PIP4K2A: variants seen among roughly 807,000 people sequenced by gnomAD.
PIP4K2A encodes the protein phosphatidylinositol 5-phosphate 4-kinase type-2 alpha.
Under a neutral mutation model 42.9 loss-of-function variants are expected in PIP4K2A, and 14 were observed. That is an observed-to-expected ratio of 0.33 (90% CI 0.22 to 0.51). PIP4K2A has a LOEUF of 0.51. Ranked by LOEUF, PIP4K2A falls within the 20% of genes least tolerant of loss-of-function variation. PIP4K2A has a pLI of 0.97. For missense variants in PIP4K2A, 434 were observed against 519.8 expected, an observed-to-expected ratio of 0.83 and a Z score of 1.61; for synonymous variants, 192 against 192.2, an observed-to-expected ratio of 1.00 and a Z score of 0.01.
intron 5 of PIP4K2A, chr10:22,569,178 G>C (rs779576959): frequency 1.5e-4 from 111 of 731,016 alleles, no homozygotes; most frequent in Non-Finnish European, 2.4e-4. Flanking sequence ...TCACATTGGG[G>C]AAGGGAGCCA....
chr10:22,714,085 G>C (rs377513630), intron 1 of PIP4K2A, 98 bp downstream of exon 1: 10 of 1,296,616 alleles, frequency 7.7e-6, no homozygotes, highest in Middle Eastern at 2.0e-4. Flanking sequence ...GGCTGACTCC[G>C]GCTCCCCGCC....
chr10:22,623,434 G>C lies in PIP4K2A; in HGVS notation c.145-13717C>G, dbSNP rs190336237. ...CAAGGGTCGCAAGGGTCTTCCACAA[G>C]GGCGGTGTGCTCCTCGGGGAGAAGA... is the stretch of plus-strand genomic sequence containing the variant. On this transcript the variant is annotated intron_variant, in intron 1 of 9. Coordinates refer to ENST00000376573, the MANE Select transcript of PIP4K2A (RefSeq NM_005028.5). Among the ~76,000 whole-genome samples the C allele has an allele frequency of 5.9e-5, 9 of 152,346 alleles. No individual in the cohort carries two copies. The East Asian group carries it at 1.5e-3, about 26-fold the overall frequency.
chr10:22,557,869 ATT>A (rs1722377598), intron 6 of PIP4K2A, among the ~76,000 whole-genome samples: 2 of 152,198 alleles, frequency 1.3e-5, no homozygotes, highest in Non-Finnish European at 2.9e-5. Context: ...CCAAGTTTTT[ATT>A]TTAGTCTGGA....
intron 1 of PIP4K2A, among the ~76,000 whole-genome samples, chr10:22,629,552 T>C (rs528932582): frequency 2.0e-5 from 3 of 152,258 alleles, no homozygotes; most frequent in Admixed American, 6.5e-5. Flanking sequence ...TAAACAACAC[T>C]GAAGATAAAT....
intron 5 of PIP4K2A, among the ~76,000 whole-genome samples, chr10:22,571,215 A>G (rs1435698666): frequency 1.3e-5 from 2 of 152,198 alleles, no homozygotes; most frequent in Non-Finnish European, 2.9e-5. Context: ...CTGACAGTCT[A>G]TGTTTATTTA....
intron 1 of PIP4K2A, among the ~76,000 whole-genome samples, chr10:22,703,468 G>T (rs1833754876): frequency 6.6e-6 from 1 of 152,086 alleles, no homozygotes. Context: ...GAAAAATAAA[G>T]ACTGAAGAAC....
intron 6 of PIP4K2A, among the ~76,000 whole-genome samples, chr10:22,553,813 T>TA (rs1243219007): frequency 1.8e-5 from 2 of 108,606 alleles, no homozygotes; most frequent in Admixed American, 1.0e-4. Context: ...TTTTTTTTTT[T>TA]ACAAAAACTT....
intron 1 of PIP4K2A, among the ~76,000 whole-genome samples, chr10:22,651,788 A>T (rs1174171628): frequency 1.3e-5 from 2 of 152,214 alleles, no homozygotes; most frequent in African/African-American, 4.8e-5. Context: ...GCAGGGTGCC[A>T]AGGACAGATG....
At chr10:22,603,408 T>A (rs1046012951) in intron 3 of PIP4K2A, among the ~76,000 whole-genome samples, 2 of 152,160 alleles carry the variant, frequency 1.3e-5, no homozygotes, top group African/African-American at 4.8e-5. Context: ...CCCAGGGCTG[T>A]TTAATGTTCT....
chr10:22,594,110 T>C (rs556174059), intron 3 of PIP4K2A, among the ~76,000 whole-genome samples: 3 of 152,292 alleles, frequency 2.0e-5, no homozygotes, highest in African/African-American at 7.2e-5. Flanking sequence ...CAGAAGTAGA[T>C]GCTGCTGCTG....
chr10:22,706,308 G>C (rs565250564), intron 1 of PIP4K2A, among the ~76,000 whole-genome samples: 36 of 152,250 alleles, frequency 2.4e-4, no homozygotes, highest in Non-Finnish European at 3.5e-4. Flanking sequence ...ATCCAGTCCT[G>C]GTTAGCACCT....
At chr10:22,601,157 A>C (rs1041047334) in intron 3 of PIP4K2A, among the ~76,000 whole-genome samples, 15 of 134,764 alleles carry the variant, frequency 1.1e-4, no homozygotes, top group African/African-American at 1.9e-4. Context: ...AAAAAAAAAA[A>C]AAAAAACAAA....
chr10:22,686,957 A>G (rs971081508), intron 1 of PIP4K2A, among the ~76,000 whole-genome samples: 10 of 152,220 alleles, frequency 6.6e-5, no homozygotes, highest in Non-Finnish European at 1.3e-4. Context: ...GAACGCGCAC[A>G]TTCTGTCTCC....
At chr10:22,661,882 A>G (rs2130834520) in intron 1 of PIP4K2A, 1 of 152,358 alleles carries the variant, frequency 6.6e-6, no homozygotes, top group Non-Finnish European at 1.5e-5. Flanking sequence ...GAGGCTGAAA[A>G]TTAGAAAACA....
intron 6 of PIP4K2A, among the ~76,000 whole-genome samples, chr10:22,561,579 T>C (rs1454874426): frequency 6.8e-6 from 1 of 146,032 alleles, no homozygotes; most frequent in African/African-American, 2.5e-5. Context: ...TTTTTTTTTT[T>C]TTTTTTTTTT....
intron 1 of PIP4K2A, among the ~76,000 whole-genome samples, chr10:22,627,588 TAATAAAAAAAAAAAAAAAAAAAAAAA>T (rs1414810173): frequency 4.4e-4 from 17 of 38,924 alleles, no homozygotes; most frequent in African/African-American, 1.0e-3. Flanking sequence ...AGCTAATATG[TAATAAAAAAAAAAAAAAAAAAAAAAA>T]AAAAAAAAAA....
intron 1 of PIP4K2A, among the ~76,000 whole-genome samples, chr10:22,619,426 CTTTTTCT>C (rs1177298629): frequency 1.4e-5 from 2 of 141,056 alleles, no homozygotes; most frequent in South Asian, 2.1e-4. Flanking sequence ...TATTCATTTT[CTTTTTCT>C]TTTTTCTTTT....
intron 1 of PIP4K2A, among the ~76,000 whole-genome samples, chr10:22,616,206 G>A (rs570401790): frequency 5.7e-4 from 87 of 152,138 alleles, no homozygotes; most frequent in African/African-American, 2.1e-3. Flanking sequence ...AGCAGAGGGG[G>A]AGCTGACATG....
intron 7 of PIP4K2A, among the ~76,000 whole-genome samples, chr10:22,544,259 C>T (rs1836204891): frequency 6.7e-6 from 1 of 148,836 alleles, no homozygotes; most frequent in Non-Finnish European, 1.5e-5. Flanking sequence ...TTTCAGAAGC[C>T]TATTTGAAAA....
Sources: gnomAD v4.1 joint callset for allele counts (sites outside exome capture counted in the v4.1 genomes callset) on GRCh38, gnomAD v4.1.1 for gene constraint, MANE v1.5 for transcripts, NCBI Gene and HGNC (gene_info 2026-07-23, HGNC 2026-07-21) for gene names.